The following HUNK variants were observed in gnomAD, a reference collection of about 807,000 sequenced individuals.
HUNK encodes the protein hormonally up-regulated Neu-associated kinase.
HUNK carries 21 observed loss-of-function variants against 61.0 expected under a neutral mutation model. That is an observed-to-expected ratio of 0.34 (90% CI 0.24 to 0.50). The LOEUF (loss-of-function observed/expected upper bound fraction) is 0.50. HUNK is among the 20% of genes least tolerant of loss of function. The probability of loss-of-function intolerance (pLI) is 0.98; values close to 1 mark genes in which losing one functional copy is unlikely to be tolerated. For missense variants in HUNK, 772 were observed against 945.7 expected, an observed-to-expected ratio of 0.82 and a Z score of 2.41; for synonymous variants, 371 against 386.1, an observed-to-expected ratio of 0.96 and a Z score of 0.46.
intron 5 of HUNK, among the ~76,000 whole-genome samples, chr21:31,960,215 T>TTAAGCAAGACAGAGAACAAACCAGTCTC (rs2052917497): frequency 1.3e-5 from 2 of 152,302 alleles, no homozygotes; most frequent in Middle Eastern, 6.8e-3. Flanking sequence ...GTGTTCTAGA[T>TTAAGCAAGACAGAGAACAAACCAGTCTC]TAAGCAAGAC....
intron 1 of HUNK, among the ~76,000 whole-genome samples, chr21:31,900,617 GGCTCTCTTAACAACA>G (rs2052459763): frequency 6.6e-6 from 1 of 152,156 alleles, no homozygotes; most frequent in South Asian, 2.1e-4. Flanking sequence ...CTTCGAGTCT[GGCTCTCTTAACAACA>G]GCACTCTACT....
At chr21:31,998,437 A>T in intron 10 of HUNK, 89 bp from the exon 11 acceptor site, 7 of 1,236,472 alleles carry the variant, frequency 5.7e-6, no homozygotes, top group South Asian at 1.5e-5. Context: ...GAACTGTCTC[A>T]GTTAAGCTGG....
chr21:31,976,482 T>TTG (rs1256764878), intron 7 of HUNK, among the ~76,000 whole-genome samples: 1 of 144,492 alleles, frequency 6.9e-6, no homozygotes, highest in Non-Finnish European at 1.5e-5. Context: ...TTTTTTTTTT[T>TTG]TGGAGACGGA....
rs768639658 is a variant in HUNK at position 31,999,114 on chromosome 21, C to T, written c.2075C>T (p.Pro692Leu). 1.2e-5 allele frequency: 20 copies of T among 1,614,078 alleles called. No homozygotes were observed. The highest frequency in any genetic ancestry group is 1.6e-5 in the Non-Finnish European group (19 of 1,180,030). ...SADRPLEASL[P>L]PLQPLAPVNL... Reference sequence around the variant, plus strand: ...GATAGGCCCCTGGAGGCCAGCCTGCCCCCACTGCAGCCCCTAGCCCCTGTG... The same window carrying T: ...GATAGGCCCCTGGAGGCCAGCCTGCTCCCACTGCAGCCCCTAGCCCCTGTG... Residue 692 changes from proline to leucine, a missense_variant, in exon 11 of 11, where the codon CCC becomes CTC. Around this residue, in one of 2 missense-constraint regions of HUNK, gnomAD observed 413 missense variants for 444.4 expected, o/e 0.93. Coordinates refer to ENST00000270112, the MANE Select transcript of HUNK (RefSeq NM_014586.2).
At position 31,924,563 on chromosome 21, in the gene HUNK, C is replaced by T. The variant is rs544212060; in HGVS notation, c.357C>T (p.Arg119=). 1.3e-5 allele frequency: 21 copies of T among 1,614,188 alleles called. No homozygotes were observed. The South Asian group carries it at 2.0e-4, about 15-fold the overall frequency. Residue 119 remains arginine (R), a synonymous_variant, in exon 2 of 11, where the codon CGC becomes CGT. Transcript: ENST00000270112. This position sits in a 1 kb window ranked among gnomAD's most constrained non-coding sequence, Gnocchi z 5.1. The part of the protein sequence containing the change: ...RREGQIQQMI[R]HPNITQLLDI... ...AGGGTCAGATCCAGCAGATGATCCG[C>T]CACCCCAATATCACTCAGCTCCTTG...
chr21:31,911,168 C>T (rs890104282), intron 1 of HUNK, among the ~76,000 whole-genome samples: 11 of 152,306 alleles, frequency 7.2e-5, no homozygotes, highest in African/African-American at 1.9e-4. Flanking sequence ...CATTGAGCGC[C>T]GCCTGTGTGC....
chr21:31,977,887 G>C (rs927095180), intron 7 of HUNK, among the ~76,000 whole-genome samples: 49 of 152,166 alleles, frequency 3.2e-4, no homozygotes, highest in African/African-American at 1.1e-3. Context: ...TTGTAGAGAC[G>C]GGCTTTCGCC....
intron 8 of HUNK, among the ~76,000 whole-genome samples, chr21:31,984,300 G>C (rs2053118241): frequency 6.6e-6 from 1 of 152,060 alleles, no homozygotes; most frequent in African/African-American, 2.4e-5. Context: ...ACCCTGATTT[G>C]ATCATTACAT....
chr21:32,000,652 C>G lies in HUNK; in HGVS notation c.*1468C>G, dbSNP rs1264262127. On this transcript the variant is annotated 3_prime_UTR_variant, in exon 11 of 11. Coordinates refer to ENST00000270112, the MANE Select transcript of HUNK (RefSeq NM_014586.2). ...CACCTCTGTGGCCACCTCAGATAGT[C>G]ATCTCAGTCCAAGGATCCCAAAACA... The G allele has an allele frequency of 2.5e-6, 1 of 398,928 alleles. No homozygotes were observed. Among genetic ancestry groups the G allele is most frequent in the African/African-American group, 2.1e-5 (1 of 48,642 alleles). 24.7% of individuals were successfully genotyped at this position (398,928 alleles called of 1,614,324 possible). A position where few individuals can be genotyped will look rare whatever the true frequency, so the allele number is the denominator to read the frequency against.
At chr21:31,967,609 C>G (rs1392456775) in intron 5 of HUNK, among the ~76,000 whole-genome samples, 2 of 152,044 alleles carry the variant, frequency 1.3e-5, no homozygotes, top group Non-Finnish European at 2.9e-5. Flanking sequence ...GGCCTATAAT[C>G]CCAGCACTTT....
chr21:31,931,242 G>A (rs375710786), intron 2 of HUNK, among the ~76,000 whole-genome samples: 1 of 152,052 alleles, frequency 6.6e-6, no homozygotes, highest in Non-Finnish European at 1.5e-5. Context: ...TCTGAGTTGG[G>A]TCTATCCTTC....
intron 1 of HUNK, among the ~76,000 whole-genome samples, chr21:31,908,612 C>T (rs1437762767): frequency 6.6e-5 from 10 of 152,176 alleles, no homozygotes; most frequent in Non-Finnish European, 1.5e-4. Flanking sequence ...AGGCTGCCCA[C>T]CACGTCGGGG....
intron 5 of HUNK, 99 bp from the exon 6 acceptor site, chr21:31,968,151 A>T: frequency 7.0e-7 from 1 of 1,422,184 alleles, no homozygotes; most frequent in South Asian, 1.3e-5. Context: ...GTGACTCGGG[A>T]TGGGCAGGCA....
intron 2 of HUNK, among the ~76,000 whole-genome samples, chr21:31,926,708 A>G (rs2052662586): frequency 6.6e-6 from 1 of 152,174 alleles, no homozygotes; most frequent in South Asian, 2.1e-4. Context: ...ATAATACTCC[A>G]TGTATGGATA....
chr21:31,983,823 C>T (rs1362367291), intron 8 of HUNK, among the ~76,000 whole-genome samples: 2 of 152,176 alleles, frequency 1.3e-5, no homozygotes, highest in African/African-American at 4.8e-5. Flanking sequence ...GTTAAAGTCA[C>T]GGGGAGCGTT....
At chr21:31,979,719 G>A (rs1208019226) in intron 7 of HUNK, among the ~76,000 whole-genome samples, 3 of 151,324 alleles carry the variant, frequency 2.0e-5, no homozygotes, top group Non-Finnish European at 4.4e-5. Flanking sequence ...GTTTCACCGT[G>A]TTAGCCAGGA....
chr21:31,956,274 T>C (rs919656864), intron 4 of HUNK, among the ~76,000 whole-genome samples: 13 of 152,154 alleles, frequency 8.5e-5, no homozygotes, highest in African/African-American at 2.9e-4. Flanking sequence ...TTGCATAGAA[T>C]CGCCCTGGAT....
chr21:31,978,235 A>AGG (rs2053064628), intron 7 of HUNK, among the ~76,000 whole-genome samples: 1 of 152,226 alleles, frequency 6.6e-6, no homozygotes, highest in Non-Finnish European at 1.5e-5. Flanking sequence ...TATCCTGTAC[A>AGG]ACATGATGCT....
Position 31,883,524 on chromosome 21 carries a change from C to T in HUNK, c.261+9589C>T, listed in dbSNP as rs151210333. On this transcript the variant is annotated intron_variant, in intron 1 of 10. Transcript: ENST00000270112. ...CTCTTTATATATTAAGGAAATTAGT[C>T]GTCTTTGAGTGATATATTTTGCAGT... 1.8e-3 allele frequency among the ~76,000 whole-genome samples: 271 copies of T among 152,110 alleles called. 5 individuals carry two copies. The highest frequency in any genetic ancestry group is 1.2e-4 in the Non-Finnish European group (8 of 68,004).
Sources: allele counts gnomAD v4.1 joint callset (sites outside exome capture counted in the v4.1 genomes callset), GRCh38; gene constraint gnomAD v4.1.1; regional missense constraint gnomAD v4.1.1; non-coding constraint Gnocchi (gnomAD v3.1); transcripts MANE v1.5; gene names NCBI Gene and HGNC (gene_info 2026-07-23, HGNC 2026-07-21).